Variants in NHSL1 observed in about 807,000 individuals in gnomAD.
NHSL1 encodes the protein NHS-like protein 1.
In NHSL1, 48 loss-of-function variants were observed where a neutral mutation model predicts 95.0. The observed-to-expected ratio is 0.51, with a 90% CI of 0.40 to 0.64. The LOEUF (loss-of-function observed/expected upper bound fraction) is 0.64, where lower values mean the gene tolerates loss of function less well. Ranked by LOEUF, NHSL1 falls within the 30% of genes least tolerant of loss-of-function variation. NHSL1 has a pLI of 0.00. For missense variants in NHSL1, 1,971 were observed against 2,077.7 expected (o/e 0.95, Z 1.00); for synonymous variants, 783 against 833.9 (o/e 0.94, Z 1.05).
At chr6:138,466,041 T>TGGG (rs71009586) in intron 3 of NHSL1, among the ~76,000 whole-genome samples, 9,880 of 123,682 alleles carry the variant, frequency 0.08, 483 homozygotes, top group East Asian at 0.17. Flanking sequence ...CACTCCTTTT[T>TGGG]GGGGGGGGGG....
intron 1 of NHSL1, among the ~76,000 whole-genome samples, chr6:138,580,059 G>A (rs1200640773): frequency 6.6e-6 from 1 of 152,108 alleles, no homozygotes; most frequent in Non-Finnish European, 1.5e-5. Context: ...CTTTAATCAG[G>A]AGCATCCAGG....
At chr6:138,600,704 T>C (rs1040359192) in intron 1 of NHSL1, among the ~76,000 whole-genome samples, 1 of 152,214 alleles carries the variant, frequency 6.6e-6, no homozygotes. Context: ...ATGTCGTTGC[T>C]AAACCAACAC....
intron 1 of NHSL1, among the ~76,000 whole-genome samples, chr6:138,657,814 C>CAAAAAAAAAAAAAAAAAAAA (rs1051789759): frequency 3.0e-5 from 1 of 33,032 alleles, no homozygotes; most frequent in Non-Finnish European, 6.2e-5. Flanking sequence ...GACTCCATCT[C>CAAAAAAAAAAAAAAAAAAAA]AAAAAAAAAA....
intron 3 of NHSL1, among the ~76,000 whole-genome samples, chr6:138,467,090 C>CA (rs1270207370): frequency 6.6e-6 from 1 of 152,008 alleles, no homozygotes; most frequent in Admixed American, 6.6e-5. Context: ...ATAATGATAA[C>CA]AAGTGACTAT....
Position 138,433,579 on chromosome 6 carries a change from G to A in NHSL1, c.766C>T (p.Arg256Cys), listed in dbSNP as rs1418845242. The A allele has an allele frequency of 8.4e-6, 13 of 1,552,012 alleles. No homozygotes were observed. The highest frequency in any genetic ancestry group is 2.7e-5 in the African/African-American group (2 of 73,122). ...RFNSCRSAGQRSETRDSSCQT... is the reference protein window; with the variant it reads ...RFNSCRSAGQCSETRDSSCQT... ...CAGCTGGAGTCCCTGGTTTCTGAGC[G>A]CTGCCCAGCAGACCGACAGCTATTG... Residue 256 changes from arginine to cysteine, a missense_variant, in exon 6 of 8, where the codon CGC (arginine) becomes TGC (cysteine). Transcript: ENST00000343505.
At chr6:138,513,371 G>C (rs1781317389) in intron 1 of NHSL1, among the ~76,000 whole-genome samples, 1 of 152,052 alleles carries the variant, frequency 6.6e-6, no homozygotes, top group Non-Finnish European at 1.5e-5. Flanking sequence ...ATGAATGTAA[G>C]TAACTTTTTT....
chr6:138,547,043 G>T (rs1782827017), upstream of NHSL1, among the ~76,000 whole-genome samples: 2 of 152,168 alleles, frequency 1.3e-5, no homozygotes, highest in South Asian at 4.1e-4. Flanking sequence ...CTGTTTGCAG[G>T]TCTTCCTTTT....
upstream of NHSL1, among the ~76,000 whole-genome samples, chr6:138,575,035 G>A (rs1783946759): frequency 6.6e-6 from 1 of 152,040 alleles, no homozygotes; most frequent in Non-Finnish European, 1.5e-5. Context: ...GAGTAGCTAG[G>A]ATTACAGGCA....
intron 1 of NHSL1, among the ~76,000 whole-genome samples, chr6:138,659,616 T>A (rs1271204804): frequency 6.6e-6 from 1 of 152,056 alleles, no homozygotes; most frequent in Non-Finnish European, 1.5e-5. Context: ...GTGGTAAAAA[T>A]ACTTCATGAC....
rs560946042 is a variant in NHSL1, at chr6:138,650,690, C to A, written c.96+41786G>T. ...CCATCCAGCACATTGAGATGACATG[C>A]AGGGGGTGGGTCAACATGCGGGACA... On this transcript the variant is annotated intron_variant, in intron 1 of 3. Transcript: ENST00000491526. 15 of 554,046 alleles carry A rather than the reference C, an allele frequency of 2.7e-5. No individual in the cohort carries two copies. The African/African-American group carries it at 2.8e-4, about 10-fold the overall frequency. The allele number at this position is 554,046 out of a possible 1,614,324, so 34.3% of individuals were successfully genotyped here.
intron 1 of NHSL1, among the ~76,000 whole-genome samples, chr6:138,645,500 T>C (rs868357251): frequency 1.3e-5 from 2 of 151,720 alleles, no homozygotes; most frequent in African/African-American, 4.8e-5. Flanking sequence ...TTGTAGTGTT[T>C]TTCTTTTTTC....
At chr6:138,441,874 C>G (rs1486434837) in intron 5 of NHSL1, 109 bp downstream of exon 5, 3 of 1,092,512 alleles carry the variant, frequency 2.7e-6, no homozygotes, top group African/African-American at 3.3e-5. Context: ...CGTTGGGGCA[C>G]CAAACGGCTA....
At chr6:138,655,889 A>C (rs543553893) in intron 1 of NHSL1, among the ~76,000 whole-genome samples, 1 of 152,298 alleles carries the variant, frequency 6.6e-6, no homozygotes, top group African/African-American at 2.4e-5. Flanking sequence ...GTGCCCTGAT[A>C]AAAACACAAG....
intron 1 of NHSL1, among the ~76,000 whole-genome samples, chr6:138,532,100 G>A (rs1293245314): frequency 6.6e-6 from 1 of 152,196 alleles, no homozygotes; most frequent in African/African-American, 2.4e-5. Flanking sequence ...AATCCTGTAA[G>A]TCTAATCTAA....
In NHSL1 at chr6:138,435,708, TGG is replaced by T. The variant is rs113120397; in HGVS notation, c.665-2030_665-2029del. Among the ~76,000 whole-genome samples, 1,459 of 151,642 alleles carry T rather than the reference TGG, an allele frequency of 9.6e-3. 23 individuals carry two copies. Among genetic ancestry groups the T allele is most frequent in the African/African-American group, 0.033 (1,361 of 41,250 alleles). ...AGCTTTATTGTGCATTGCAGATAAC[TGG>T]GGTTTTTTTTTTTGTTTTTTTGTTT... On this transcript the variant is annotated intron_variant, in intron 5 of 7. Transcript: ENST00000343505.
At chr6:138,547,918 T>C (rs1257424965), upstream of NHSL1, among the ~76,000 whole-genome samples, 1 of 152,198 alleles carries the variant, frequency 6.6e-6, no homozygotes, top group East Asian at 1.9e-4. Context: ...CCTGAAAATA[T>C]TTTCATGGGT....
intron 2 of NHSL1, among the ~76,000 whole-genome samples, chr6:138,473,998 A>C (rs2128249003): frequency 6.6e-6 from 1 of 152,264 alleles, no homozygotes; most frequent in East Asian, 1.9e-4. Flanking sequence ...GTGGAATTTA[A>C]TAGGAAGGCA....
At chr6:138,631,522 C>A (rs1308964270) in intron 1 of NHSL1, among the ~76,000 whole-genome samples, 2 of 152,148 alleles carry the variant, frequency 1.3e-5, no homozygotes, top group Non-Finnish European at 2.9e-5. Flanking sequence ...AATACCAGGT[C>A]AGCCACAGCA....
chr6:138,429,466 C>T lies in NHSL1; in HGVS notation c.4085+245G>A, dbSNP rs191951855. ...GCGCTCCTTGCCAGGAAGAGCAGCG[C>T]CTACCAGAACGTATCACATTGAGCC... On this transcript the variant is annotated intron_variant, in intron 7 of 7. Transcript: ENST00000343505. 2.8e-3 allele frequency among the ~76,000 whole-genome samples: 433 copies of T among 152,218 alleles called. 5 individuals are homozygous for T. The highest frequency in any genetic ancestry group is 0.019 in the Admixed American group (298 of 15,296).
Sources: gnomAD v4.1 joint callset for allele counts (sites outside exome capture counted in the v4.1 genomes callset) on GRCh38, gnomAD v4.1.1 for gene constraint, MANE v1.5 for transcripts, NCBI Gene and HGNC (gene_info 2026-07-23, HGNC 2026-07-21) for gene names.